The following HBS1L variants were observed in gnomAD, a reference collection of about 807,000 sequenced individuals.
HBS1L encodes HBS1 like translational GTPase, also known as HBS1-like protein.
Under a neutral mutation model 88.9 loss-of-function variants are expected in HBS1L, and 55 were observed. That is an observed-to-expected ratio of 0.62 (90% CI 0.50 to 0.77). HBS1L has a LOEUF of 0.77. HBS1L is among the 30% of genes least tolerant of loss of function. The pLI is 0.00. For missense variants in HBS1L, 741 were observed against 829.3 expected (o/e 0.89, Z 1.31); for synonymous variants, 267 against 288.5 (o/e 0.93, Z 0.76).
chr6:135,006,399 T>C (rs1775612816), intron 4 of HBS1L, among the ~76,000 whole-genome samples: 1 of 152,118 alleles, frequency 6.6e-6, no homozygotes, highest in Non-Finnish European at 1.5e-5. Context: ...TAAGCTGTGA[T>C]CATGAAGAGC....
chr6:135,038,745 C>G lies in HBS1L; in HGVS notation c.430+828G>C, dbSNP rs1240513465. ...ATGTCCACTGAATTCCAAATTTAAC[C>G]CCAAATTTTACAAATTTAAAATTAA... On this transcript the variant is annotated intron_variant, in intron 4 of 17. Coordinates refer to ENST00000367837, the MANE Select transcript of HBS1L (RefSeq NM_006620.4). Among the ~76,000 whole-genome samples the G allele has an allele frequency of 4.6e-5, 7 of 152,120 alleles. 1 individual carries two copies. The South Asian group carries it at 1.5e-3, about 32-fold the overall frequency.
At chr6:135,032,563 C>CA (rs1417668341) in intron 4 of HBS1L, among the ~76,000 whole-genome samples, 1 of 152,010 alleles carries the variant, frequency 6.6e-6, no homozygotes, top group Admixed American at 6.6e-5. Context: ...TGCATGAACA[C>CA]AAAAAACATG....
At chr6:134,997,913 C>G (rs930441005) in intron 5 of HBS1L, among the ~76,000 whole-genome samples, 51 of 152,078 alleles carry the variant, frequency 3.4e-4, no homozygotes. Context: ...TGAAAAATAA[C>G]TGAAATTCAA....
rs115802793 is a variant in HBS1L at position 135,011,482 on chromosome 6, T to C, written c.431-8640A>G. On this transcript the variant is annotated intron_variant, in intron 4 of 17. Coordinates refer to ENST00000367837, the MANE Select transcript of HBS1L (RefSeq NM_006620.4). ...CTGCTGTGAGCTATGATTGTGCCAA[T>C]GAACTCTAGCCTGAACAACAGAGCG... 5.3e-3 allele frequency among the ~76,000 whole-genome samples: 811 copies of C among 152,310 alleles called. 5 individuals are homozygous for C. The highest frequency in any genetic ancestry group is 0.019 in the African/African-American group (775 of 41,578).
chr6:135,002,723 CAA>C lies in HBS1L; in HGVS notation c.539+9_539+10del, dbSNP rs764868247. On this transcript the variant is annotated intron_variant, in intron 5 of 17. Transcript: ENST00000367837. ...TGGGGGTGGGGATGAGGGAGGTACT[CAA>C]AGTCTTACCCAGGCACTTCAAATCC... The C allele has an allele frequency of 1.1e-5, 17 of 1,565,896 alleles. No homozygotes were observed. The highest frequency in any genetic ancestry group is 6.7e-5 in the Admixed American group (4 of 59,774).
intron 15 of HBS1L, among the ~76,000 whole-genome samples, chr6:134,977,697 C>T (rs531963764): frequency 6.6e-6 from 1 of 151,962 alleles, no homozygotes. Context: ...CTCTAAACCA[C>T]TATCACTAAC....
chr6:135,048,000 A>G (rs1051681280), intron 2 of HBS1L, among the ~76,000 whole-genome samples: 5 of 152,230 alleles, frequency 3.3e-5, no homozygotes, highest in Non-Finnish European at 7.3e-5. Flanking sequence ...GGAGCTATAA[A>G]GGAATGCTGC....
At chr6:135,027,326 C>G (rs1776264084) in intron 4 of HBS1L, 1 of 150,782 alleles carries the variant, frequency 6.6e-6, no homozygotes, top group Admixed American at 6.6e-5. Context: ...GGGCCACAAA[C>G]TCAATAAACA....
In HBS1L at chr6:135,021,691, G is replaced by A. The variant is rs11962635; in HGVS notation, c.430+17882C>T. On this transcript the variant is annotated intron_variant, in intron 4 of 17. Coordinates refer to ENST00000367837, the MANE Select transcript of HBS1L (RefSeq NM_006620.4). ...AAGATTAAACTGTTACAGAATAAAA[G>A]TTTGTTGCAAGAAAAGTAATGTACA... 2.0e-3 allele frequency among the ~76,000 whole-genome samples: 308 copies of A among 152,222 alleles called. 1 individual carries two copies. Among genetic ancestry groups the A allele is most frequent in the African/African-American group, 7.3e-3 (304 of 41,550 alleles).
At chr6:135,042,490 C>T (rs1163871667) in intron 2 of HBS1L, among the ~76,000 whole-genome samples, 1 of 152,028 alleles carries the variant, frequency 6.6e-6, no homozygotes, top group African/African-American at 2.4e-5. Flanking sequence ...AACCAAATAT[C>T]AAACTTCTAA....
At position 134,986,147 on chromosome 6, in the gene HBS1L, T is replaced by G. The variant is rs775159836; in HGVS notation, c.1342A>C (p.Ser448Arg). ...GATCTTGTGATTAGATTTTCACCAC[T>G]GAGACCACTTGTAGGAATAAAACCT... Reference protein sequence around the residue: ...DVGFIPTSGLSGENLITRSQS... With the variant: ...DVGFIPTSGLRGENLITRSQS... Residue 448 changes from serine to arginine, a missense_variant, in exon 11 of 18, where the codon AGT becomes CGT. Ser to Arg is a moderately radical substitution (Grantham distance 110). Around this residue, in one of 3 missense-constraint regions of HBS1L, gnomAD observed 556 missense variants for 598.4 expected, o/e 0.93. Transcript: ENST00000367837. 3 of 1,593,636 alleles carry G rather than the reference T, an allele frequency of 1.9e-6. No homozygotes were observed. The highest frequency in any genetic ancestry group is 2.2e-5 in the East Asian group (1 of 44,680).
In HBS1L at chr6:134,964,525, G is replaced by A. The variant is rs932029579; in HGVS notation, c.*754C>T. 1 of 152,128 alleles carries A rather than the reference G, an allele frequency of 6.6e-6. No individual in the cohort carries two copies. The highest frequency in any genetic ancestry group is 6.5e-5 in the Admixed American group (1 of 15,276). The allele number at this position is 152,128 out of a possible 1,614,324, so 9.4% of individuals were successfully genotyped here. A position where few individuals can be genotyped will look rare whatever the true frequency, so the allele number is the denominator to read the frequency against. On this transcript the variant is annotated 3_prime_UTR_variant, in exon 18 of 18. Transcript: ENST00000367837. The stretch of plus-strand genomic sequence containing the variant: ...GATAAAAAAGAATTCATGTGACAGA[G>A]CTAGGAAACTCTTAGGTGAAAAAGA...
At chr6:134,993,713 T>G in intron 8 of HBS1L, 45 bp downstream of exon 8, 1 of 805,644 alleles carries the variant, frequency 1.2e-6, no homozygotes, top group Non-Finnish European at 1.9e-6. Flanking sequence ...GAAAATTTTA[T>G]GTAAAGTACA....
chr6:135,028,841 T>C (rs1028175074), intron 4 of HBS1L, among the ~76,000 whole-genome samples: 3 of 152,032 alleles, frequency 2.0e-5, no homozygotes, highest in African/African-American at 7.2e-5. Flanking sequence ...TAGCAGTAAA[T>C]ACAACAACAA....
chr6:134,964,561 C>G lies in HBS1L; in HGVS notation c.*718G>C, dbSNP rs529666312. 1 of 152,224 alleles carries G rather than the reference C, an allele frequency of 6.6e-6. No individual in the cohort carries two copies. Among genetic ancestry groups the G allele is most frequent in the African/African-American group, 2.4e-5 (1 of 41,552 alleles). 9.4% of individuals were successfully genotyped at this position (152,224 alleles called of 1,614,324 possible). ...CTTAGGTGAAAAAGATCCCACAAAA[C>G]CCCTAAATCATATTTACTGTTAGTG... On this transcript the variant is annotated 3_prime_UTR_variant, in exon 18 of 18. Transcript: ENST00000367837.
At chr6:135,038,101 G>A (rs1461134440) in intron 4 of HBS1L, 1 of 1,183,456 alleles carries the variant, frequency 8.4e-7, no homozygotes, top group African/African-American at 1.5e-5. Context: ...CAACCAAAAG[G>A]AAACATGAAA....
intron 4 of HBS1L, among the ~76,000 whole-genome samples, chr6:135,008,980 CCT>C (rs1775689576): frequency 6.6e-6 from 1 of 152,088 alleles, no homozygotes; most frequent in Admixed American, 6.5e-5. Flanking sequence ...ATGGCAATAA[CCT>C]CCTCAATTTA....
At chr6:134,967,483 T>C (rs926214878) in intron 16 of HBS1L, among the ~76,000 whole-genome samples, 23 of 152,274 alleles carry the variant, frequency 1.5e-4, no homozygotes, top group Middle Eastern at 3.4e-3. Flanking sequence ...ATCAAGAGCC[T>C]ACAACGTGCC....
rs919657269 is a variant in HBS1L at position 134,964,682 on chromosome 6, T to A, written c.*597A>T. 6.6e-6 allele frequency: 1 copy of A among 152,560 alleles called. No individual in the cohort carries two copies. The highest frequency in any genetic ancestry group is 2.4e-5 in the African/African-American group (1 of 41,564). The allele number at this position is 152,560 out of a possible 1,614,324, so 9.5% of individuals were successfully genotyped here. A position where few individuals can be genotyped will look rare whatever the true frequency, so the allele number is the denominator to read the frequency against. On this transcript the variant is annotated 3_prime_UTR_variant, in exon 18 of 18. Coordinates refer to ENST00000367837, the MANE Select transcript of HBS1L (RefSeq NM_006620.4). Reference sequence around the variant, plus strand: ...AGCTGGCTTTACAACTTAAATAATATCTTGGCTTTCAAAGGAACAGCTTCC... The same window carrying A: ...AGCTGGCTTTACAACTTAAATAATAACTTGGCTTTCAAAGGAACAGCTTCC...
Sources: allele counts gnomAD v4.1 joint callset (sites outside exome capture counted in the v4.1 genomes callset), GRCh38; gene constraint gnomAD v4.1.1; regional missense constraint gnomAD v4.1.1; transcripts MANE v1.5; gene names NCBI Gene and HGNC (gene_info 2026-07-23, HGNC 2026-07-21).